The following TBC1D5 variants were observed in gnomAD, a reference collection of about 807,000 sequenced individuals.
The protein encoded by TBC1D5 is TBC1 domain family member 5.
Under a neutral mutation model 100.3 loss-of-function variants are expected in TBC1D5, and 75 were observed. The ratio of observed to expected loss-of-function variants is 0.75; its 90% CI spans 0.62 to 0.91. The LOEUF is 0.91. TBC1D5 is among the 40% of genes least tolerant of loss of function. TBC1D5 has a pLI of 0.00. For missense variants in TBC1D5, 910 were observed against 942.4 expected (o/e 0.97, Z 0.45); for synonymous variants, 323 against 325.6 (o/e 0.99, Z 0.09).
intron 1 of TBC1D5, among the ~76,000 whole-genome samples, chr3:17,713,244 CTTT>C (rs770932378): frequency 3.6e-5 from 5 of 139,812 alleles, no homozygotes; most frequent in Admixed American, 2.1e-4. Context: ...CTTTTCTTTT[CTTT>C]TTTTTTTTTT....
chr3:17,527,145 A>T (rs73155213), intron 2 of TBC1D5, among the ~76,000 whole-genome samples: 10,535 of 152,240 alleles, frequency 0.069, 721 homozygotes, highest in African/African-American at 0.18. Flanking sequence ...ACAACACATG[A>T]TATGAAGAAA....
chr3:17,511,763 GTC>G, intron 2 of TBC1D5, among the ~76,000 whole-genome samples: 1 of 151,898 alleles, frequency 6.6e-6, no homozygotes, highest in African/African-American at 2.4e-5. Context: ...ACATACCCCA[GTC>G]TACAACCATT....
intron 3 of TBC1D5, among the ~76,000 whole-genome samples, chr3:17,482,468 C>T (rs1427954867): frequency 2.0e-5 from 3 of 152,140 alleles, no homozygotes; most frequent in African/African-American, 7.2e-5. Flanking sequence ...TCTTTGTCAT[C>T]ATTAATGTAT....
chr3:17,189,170 C>T (rs2125595497), intron 18 of TBC1D5, among the ~76,000 whole-genome samples: 1 of 152,246 alleles, frequency 6.6e-6, no homozygotes, highest in African/African-American at 2.4e-5. Context: ...AGCAGACACT[C>T]AATAAAGGTA....
At chr3:17,267,473 G>A (rs2733491) in intron 15 of TBC1D5, among the ~76,000 whole-genome samples, 65,809 of 151,692 alleles carry the variant, frequency 0.43, 15,084 homozygotes, top group African/African-American at 0.5. Flanking sequence ...CCCAATCTTT[G>A]TTAAAGAAAA....
intron 4 of TBC1D5, among the ~76,000 whole-genome samples, chr3:17,426,022 A>G (rs2094326888): frequency 9.0e-6 from 1 of 111,588 alleles, no homozygotes; most frequent in African/African-American, 4.7e-5. Context: ...ATAAAGTATG[A>G]GTATGTTGGT....
At chr3:17,163,202 T>C (rs1309132008) in intron 21 of TBC1D5, among the ~76,000 whole-genome samples, 2 of 152,114 alleles carry the variant, frequency 1.3e-5, no homozygotes, top group Non-Finnish European at 2.9e-5. Context: ...CAGACTGCCG[T>C]AGACAAAGCA....
intron 3 of TBC1D5, among the ~76,000 whole-genome samples, chr3:17,469,614 G>A (rs916933721): frequency 1.3e-5 from 2 of 151,986 alleles, no homozygotes; most frequent in Non-Finnish European, 1.5e-5. Flanking sequence ...GGAATAAAGG[G>A]GTTTACATAT....
intron 4 of TBC1D5, among the ~76,000 whole-genome samples, chr3:17,425,705 G>C (rs2094319774): frequency 6.6e-6 from 1 of 152,102 alleles, no homozygotes; most frequent in Non-Finnish European, 1.5e-5. Flanking sequence ...AATACAAACA[G>C]TGGAAAGAAT....
chr3:17,442,651 A>G (rs1051728695), intron 3 of TBC1D5, among the ~76,000 whole-genome samples: 1 of 152,190 alleles, frequency 6.6e-6, no homozygotes, highest in African/African-American at 2.4e-5. Flanking sequence ...AGCACAACAA[A>G]AGCTTTGAGA....
chr3:17,360,519 T>C (rs183530798), intron 13 of TBC1D5, among the ~76,000 whole-genome samples: 5 of 152,118 alleles, frequency 3.3e-5, no homozygotes, highest in Admixed American at 3.3e-4. Flanking sequence ...TGTTCTATCA[T>C]GAACTATTTT....
intron 18 of TBC1D5, among the ~76,000 whole-genome samples, chr3:17,200,254 C>G (rs2071290199): frequency 6.6e-6 from 1 of 152,338 alleles, no homozygotes; most frequent in Admixed American, 6.5e-5. Context: ...ATAGATAGAA[C>G]TGTACATAAA....
rs1163180167 is a variant in TBC1D5, at chr3:17,648,232, A to ATT, written c.-100-24320_-100-24319insAA. On this transcript the variant is annotated intron_variant, in intron 1 of 21. Coordinates refer to ENST00000253692, the Ensembl canonical transcript of TBC1D5. ...GCAGATAAAAACAAGCAATGGGTAA[A>ATT]AGACTCTCTATTCAATAAATGGTGC... is the stretch of plus-strand genomic sequence containing the variant. Among the ~76,000 whole-genome samples, 1,172 of 152,270 alleles carry ATT rather than the reference A, an allele frequency of 7.7e-3. 8 individuals carry two copies. Among genetic ancestry groups the ATT allele is most frequent in the Admixed American group, 0.015 (230 of 15,276 alleles).
At chr3:17,276,847 C>T (rs2080071212) in intron 15 of TBC1D5, among the ~76,000 whole-genome samples, 1 of 152,168 alleles carries the variant, frequency 6.6e-6, no homozygotes, top group African/African-American at 2.4e-5. Context: ...GTGATACATG[C>T]CACCTGCATC....
intron 4 of TBC1D5, among the ~76,000 whole-genome samples, chr3:17,415,723 C>T (rs1386526978): frequency 6.6e-6 from 1 of 152,042 alleles, no homozygotes; most frequent in Non-Finnish European, 1.5e-5. Flanking sequence ...AGAAAAGGAT[C>T]CTATACCAGC....
chr3:17,729,489 C>T (rs767696904), intron 1 of TBC1D5, among the ~76,000 whole-genome samples: 1 of 151,894 alleles, frequency 6.6e-6, no homozygotes, highest in Non-Finnish European at 1.5e-5. Context: ...AGACAGATTA[C>T]GAGGTCAGGA....
intron 19 of TBC1D5, among the ~76,000 whole-genome samples, chr3:17,171,717 C>T (rs1347679601): frequency 6.6e-6 from 1 of 152,110 alleles, no homozygotes; most frequent in Non-Finnish European, 1.5e-5. Context: ...TCTATAAAGA[C>T]CCCATTTCCA....
chr3:17,358,752 C>A (rs1321687112), intron 13 of TBC1D5, among the ~76,000 whole-genome samples: 6 of 152,008 alleles, frequency 3.9e-5, no homozygotes, highest in Non-Finnish European at 8.8e-5. Context: ...GTAGTACAAT[C>A]TTTAATTTTA....
At chr3:17,402,623 A>G (rs1484231293) in intron 8 of TBC1D5, among the ~76,000 whole-genome samples, 1 of 152,062 alleles carries the variant, frequency 6.6e-6, no homozygotes. Flanking sequence ...CACAAATTCC[A>G]TTTACTCCTC....
Sources: gnomAD v4.1 joint callset for allele counts (sites outside exome capture counted in the v4.1 genomes callset) on GRCh38, gnomAD v4.1.1 for gene constraint, MANE v1.5 for transcripts, NCBI Gene and HGNC (gene_info 2026-07-23, HGNC 2026-07-21) for gene names.